Variants in PDE4D observed in about 807,000 individuals in gnomAD.
PDE4D encodes the protein 3',5'-cyclic-AMP phosphodiesterase 4D.
A neutral mutation model predicts 87.4 loss-of-function variants in PDE4D; 24 were observed. The ratio of observed to expected loss-of-function variants is 0.27; its 90% CI spans 0.20 to 0.39. The LOEUF (loss-of-function observed/expected upper bound fraction) is 0.39. Ranked by LOEUF, PDE4D falls within the 10% of genes least tolerant of loss-of-function variation. The probability of loss-of-function intolerance (pLI) is 1.00; values close to 1 mark genes in which losing one functional copy is unlikely to be tolerated. For missense variants in PDE4D, 714 were observed against 1,041.0 expected, an observed-to-expected ratio of 0.69 and a Z score of 4.32; for synonymous variants, 384 against 383.2, an observed-to-expected ratio of 1.00 and a Z score of -0.02.
intron 1 of PDE4D, among the ~76,000 whole-genome samples, chr5:59,729,693 A>G (rs1348316702): frequency 6.6e-6 from 1 of 152,100 alleles, no homozygotes; most frequent in Non-Finnish European, 1.5e-5. Context: ...GTAAGTCTAG[A>G]AAACCCAATA....
At chr5:59,252,891 T>C (rs926770963) in intron 1 of PDE4D, among the ~76,000 whole-genome samples, 1 of 152,072 alleles carries the variant, frequency 6.6e-6, no homozygotes, top group African/African-American at 2.4e-5. Context: ...GATCCAGAAA[T>C]AAACAAATAC....
At chr5:59,721,037 G>A (rs1755750651) in intron 1 of PDE4D, among the ~76,000 whole-genome samples, 1 of 152,116 alleles carries the variant, frequency 6.6e-6, no homozygotes, top group Non-Finnish European at 1.5e-5. Context: ...AACTGTTATA[G>A]GAGCAAGGGC....
chr5:60,169,319 C>A lies in PDE4D; in HGVS notation c.42+16238G>T, dbSNP rs1016052977. Among the ~76,000 whole-genome samples the A allele has an allele frequency of 4.3e-4, 65 of 152,060 alleles. 1 individual carries two copies. Among genetic ancestry groups the A allele is most frequent in the African/African-American group, 1.5e-3 (64 of 41,420 alleles). On this transcript the variant is annotated intron_variant, in intron 2 of 16. Coordinates refer to the PDE4D transcript ENST00000502484. ...AAACATTAAAGAAAAAGATCAACTA[C>A]ATTTTTTACAACACAAAAGATGTAC...
chr5:60,127,739 A>C, intron 2 of PDE4D: 1 of 562,886 alleles, frequency 1.8e-6, no homozygotes, highest in Non-Finnish European at 3.2e-6. Flanking sequence ...ATGCCTCTGA[A>C]ACACTCAATG....
chr5:59,989,292 A>T (rs1343021313), intron 2 of PDE4D, among the ~76,000 whole-genome samples: 1 of 151,718 alleles, frequency 6.6e-6, no homozygotes, highest in African/African-American at 2.4e-5. Flanking sequence ...TTGTGTATCT[A>T]AGTATATCTA....
chr5:60,250,165 T>C (rs1308813948), intron 1 of PDE4D, among the ~76,000 whole-genome samples: 3 of 151,952 alleles, frequency 2.0e-5, no homozygotes. Context: ...TTTTGCAGCA[T>C]AGGTATTTTT....
upstream of PDE4D, among the ~76,000 whole-genome samples, chr5:59,897,486 T>A (rs1281782722): frequency 6.6e-6 from 1 of 151,936 alleles, no homozygotes; most frequent in Non-Finnish European, 1.5e-5. Flanking sequence ...AGTTATGGGG[T>A]CCATGTGCTC....
chr5:60,250,722 A>G (rs1748331929), intron 1 of PDE4D, among the ~76,000 whole-genome samples: 1 of 152,028 alleles, frequency 6.6e-6, no homozygotes, highest in Non-Finnish European at 1.5e-5. Context: ...TGATAACAAT[A>G]ACAAATAATG....
At chr5:59,241,587 G>A (rs1482473219) in intron 1 of PDE4D, among the ~76,000 whole-genome samples, 1 of 152,168 alleles carries the variant, frequency 6.6e-6, no homozygotes. Context: ...ATCAACAAAT[G>A]CCATCTCTTT....
At chr5:59,303,664 T>C (rs577194172) in intron 1 of PDE4D, among the ~76,000 whole-genome samples, 1 of 152,164 alleles carries the variant, frequency 6.6e-6, no homozygotes, top group East Asian at 1.9e-4. Flanking sequence ...CCCCACTTTA[T>C]GTTTTTGTTT....
At chr5:59,197,424 G>T (rs757192209) in intron 2 of PDE4D, among the ~76,000 whole-genome samples, 1 of 152,100 alleles carries the variant, frequency 6.6e-6, no homozygotes, top group Non-Finnish European at 1.5e-5. Context: ...ACAGTAAAAT[G>T]ATACCTAGCA....
intron 1 of PDE4D, among the ~76,000 whole-genome samples, chr5:59,370,886 T>G (rs244580): frequency 0.25 from 38,424 of 152,144 alleles, 5,448 homozygotes; most frequent in East Asian, 0.36. Context: ...AAGCAGCCTC[T>G]GCTCACCAGA....
At chr5:59,093,044 A>G (rs911200580) in intron 5 of PDE4D, among the ~76,000 whole-genome samples, 1 of 152,202 alleles carries the variant, frequency 6.6e-6, no homozygotes, top group Non-Finnish European at 1.5e-5. Context: ...CAAAGGCACA[A>G]ATAATAAAGG....
chr5:59,030,191 ACATTAAACTAAAAAGTACCTG>A (rs1757087719), intron 6 of PDE4D, among the ~76,000 whole-genome samples: 1 of 152,116 alleles, frequency 6.6e-6, no homozygotes, highest in African/African-American at 2.4e-5. Flanking sequence ...AAATAGGACT[ACATTAAACTAAAAAGTACCTG>A]CACAAGCAAC....
intron 1 of PDE4D, among the ~76,000 whole-genome samples, chr5:59,860,508 G>A (rs892597417): frequency 1.3e-4 from 20 of 152,168 alleles, no homozygotes; most frequent in Admixed American, 9.2e-4. Context: ...TAATAATTTA[G>A]TGACAACATT....
intron 1 of PDE4D, among the ~76,000 whole-genome samples, chr5:59,267,087 G>T (rs1762974264): frequency 6.6e-6 from 1 of 152,012 alleles, no homozygotes; most frequent in Non-Finnish European, 1.5e-5. Context: ...AGACCTAGAA[G>T]CTGCTTTCTC....
intron 1 of PDE4D, among the ~76,000 whole-genome samples, chr5:59,529,620 A>T (rs1462015828): frequency 2.6e-5 from 4 of 152,124 alleles, no homozygotes; most frequent in Non-Finnish European, 5.9e-5. Flanking sequence ...TTCCTTCCCA[A>T]TTTACCTTCC....
intron 5 of PDE4D, among the ~76,000 whole-genome samples, chr5:59,172,058 TTA>T (rs1330959510): frequency 8.7e-4 from 3 of 3,434 alleles, no homozygotes; most frequent in East Asian, 5.0e-3. Flanking sequence ...TATATATATA[TTA>T]TATATATAAT....
chr5:60,061,731 C>G lies in PDE4D; in HGVS notation c.43-73014G>C, dbSNP rs570748800. 3.8e-3 allele frequency among the ~76,000 whole-genome samples: 571 copies of G among 152,156 alleles called. 2 individuals are homozygous for G. The highest frequency in any genetic ancestry group is 6.8e-3 in the Middle Eastern group (2 of 294). ...AACATGGTACAGGTATCAAAACAGA[C>G]ACATATACCAATGGAACAGAATAGA... On this transcript the variant is annotated intron_variant, in intron 2 of 16. Coordinates refer to the PDE4D transcript ENST00000502484.
Sources: allele counts gnomAD v4.1 joint callset (sites outside exome capture counted in the v4.1 genomes callset), GRCh38; gene constraint gnomAD v4.1.1; transcripts MANE v1.5; gene names NCBI Gene and HGNC (gene_info 2026-07-23, HGNC 2026-07-21).